Variants in COMMD8 observed in about 807,000 individuals in gnomAD.
COMMD8 encodes COMM domain-containing protein 8.
In COMMD8, 28 loss-of-function variants were observed where a neutral mutation model predicts 27.2. That is an observed-to-expected ratio of 1.03 (90% CI 0.76 to 1.41). The LOEUF (loss-of-function observed/expected upper bound fraction) is 1.41, where lower values mean the gene tolerates loss of function less well. Ranked by LOEUF, COMMD8 falls within the 40% of genes most tolerant of loss-of-function variation. COMMD8 has a pLI of 0.00. For missense variants in COMMD8, 217 were observed against 211.2 expected (o/e 1.03, Z -0.17); for synonymous variants, 79 against 75.5 (o/e 1.05, Z -0.24).
chr4:47,452,802 C>T (rs756270740), intron 4 of COMMD8, among the ~76,000 whole-genome samples: 7 of 152,170 alleles, frequency 4.6e-5, no homozygotes, highest in Non-Finnish European at 1.0e-4. Flanking sequence ...TTGAGACCAG[C>T]CTGGCCAACA....
Position 47,451,465 on chromosome 4 carries a change from A to G in COMMD8, c.*180T>C, listed in dbSNP as rs1050866663. Reference sequence around the variant, plus strand: ...CTTTCATTTTATGCATTTCCTCTCAACCATGTAATTTCCTGTTAAGGAATG... The same window carrying G: ...CTTTCATTTTATGCATTTCCTCTCAGCCATGTAATTTCCTGTTAAGGAATG... On this transcript the variant is annotated 3_prime_UTR_variant, in exon 5 of 5. Transcript: ENST00000381571. The G allele has an allele frequency of 3.6e-6, 2 of 552,630 alleles. No individual in the cohort carries two copies. The highest frequency in any genetic ancestry group is 6.3e-6 in the Non-Finnish European group (2 of 316,352). 34.2% of individuals were successfully genotyped at this position (552,630 alleles called of 1,614,324 possible).
At chr4:47,463,505 G>T in intron 1 of COMMD8, 81 bp downstream of exon 1, 1 of 1,370,034 alleles carries the variant, frequency 7.3e-7, no homozygotes, top group Middle Eastern at 2.5e-4. Context: ...GAAGGCGTCC[G>T]GGTCGCACCC....
intron 3 of COMMD8, among the ~76,000 whole-genome samples, chr4:47,456,138 T>C (rs1464972181): frequency 6.6e-6 from 1 of 151,852 alleles, no homozygotes; most frequent in Non-Finnish European, 1.5e-5. Flanking sequence ...TCCCAGCTAC[T>C]CAGGGGGCTG....
At chr4:47,460,422 T>C in intron 1 of COMMD8, 123 bp from the exon 2 acceptor site, 3 of 713,742 alleles carry the variant, frequency 4.2e-6, no homozygotes, top group East Asian at 3.0e-5. Flanking sequence ...TAAGTTAAAA[T>C]GTATAAACCA....
Position 47,460,205 on chromosome 4 carries a change from A to G in COMMD8, c.161T>C (p.Val54Ala), listed in dbSNP as rs1411274141. The change falls in exon 2 of 5, where the codon GTT becomes GCT. Residue 54 changes from valine to alanine, a missense_variant. Transcript: ENST00000381571. ...GAAAAATTTGGCAATATCTTCTAAA[A>G]CGTGCATCCATTCTTCTGATTCCCA... ...TVWESEEWMH[V>A]LEDIAKFFKA... is the part of the protein sequence containing the mutation. 3.7e-6 allele frequency: 6 copies of G among 1,613,562 alleles called. No individual in the cohort carries two copies. The African/African-American group carries it at 6.7e-5, about 18-fold the overall frequency.
At position 47,460,327 on chromosome 4, in the gene COMMD8, CT is replaced by C. The variant is rs556376297; in HGVS notation, c.67-29del. ...AGCAAGAAAAAAGGAAATAAATGTA[CT>C]TATAAGTAAAATGATGAAACAAATT... On this transcript the variant is annotated intron_variant, in intron 1 of 4. Coordinates refer to ENST00000381571, the MANE Select transcript of COMMD8 (RefSeq NM_017845.5). 1.1e-4 allele frequency: 182 copies of C among 1,586,274 alleles called. 4 individuals are homozygous for C. In the South Asian group the frequency reaches 2.0e-3, roughly 18 times the overall value.
At chr4:47,456,160 T>C (rs974411593) in intron 3 of COMMD8, among the ~76,000 whole-genome samples, 2 of 151,498 alleles carry the variant, frequency 1.3e-5, no homozygotes, top group African/African-American at 4.9e-5. Flanking sequence ...GGCAGAAGAA[T>C]TGCTTGAACC....
At chr4:47,455,034 A>G (rs1170497279) in intron 3 of COMMD8, among the ~76,000 whole-genome samples, 1 of 151,970 alleles carries the variant, frequency 6.6e-6, no homozygotes, top group Non-Finnish European at 1.5e-5. Flanking sequence ...TTTCTGAGAC[A>G]GAGTTGTGCT....
In COMMD8 at chr4:47,453,049, T is replaced by G. The variant is rs1268348234; in HGVS notation, c.531+10A>C. ...ACATTCAAATCATATGACAAAATTA[T>G]AGCAAATACCTTATTCGCTGCTTCC... On this transcript the variant is annotated intron_variant, in intron 4 of 4. Transcript: ENST00000381571. 6.3e-7 allele frequency: 1 copy of G among 1,581,632 alleles called. No homozygotes were observed. The highest frequency in any genetic ancestry group is 8.6e-7 in the Non-Finnish European group (1 of 1,165,402).
In COMMD8 at chr4:47,457,994, A is replaced by T. The variant is rs117423083; in HGVS notation, c.223-1265T>A. ...TATTTTGGCAGTGCAGCCTTAGTTT[A>T]ACATTCAAAAATCACATGAACAAAA... is the stretch of plus-strand genomic sequence containing the variant. On this transcript the variant is annotated intron_variant, in intron 2 of 4. Coordinates refer to ENST00000381571, the MANE Select transcript of COMMD8 (RefSeq NM_017845.5). Among the ~76,000 whole-genome samples, 66 of 152,222 alleles carry T rather than the reference A, an allele frequency of 4.3e-4. 2 individuals are homozygous for T. The East Asian group carries it at 0.012, about 28-fold the overall frequency.
At chr4:47,460,108 T>C in intron 2 of COMMD8, 36 bp downstream of exon 2, 1 of 1,575,368 alleles carries the variant, frequency 6.3e-7, no homozygotes, top group Non-Finnish European at 8.7e-7. Flanking sequence ...CTGAGCATTA[T>C]TTATTGTAAG....
chr4:47,461,585 T>C (rs1730026387), intron 1 of COMMD8, among the ~76,000 whole-genome samples: 1 of 152,238 alleles, frequency 6.6e-6, no homozygotes, highest in South Asian at 2.1e-4. Flanking sequence ...ATGTTTGTTA[T>C]TCATTCACAA....
At chr4:47,456,267 C>CATATATATATATATATAT (rs34279197) in intron 3 of COMMD8, among the ~76,000 whole-genome samples, 5 of 119,016 alleles carry the variant, frequency 4.2e-5, no homozygotes, top group East Asian at 2.9e-4. Flanking sequence ...ATAAATTATA[C>CATATATATATATATATAT]ATATATATAT....
intron 1 of COMMD8, 73 bp downstream of exon 1, chr4:47,463,513 C>G: frequency 6.9e-7 from 1 of 1,445,526 alleles, no homozygotes; most frequent in Non-Finnish European, 9.4e-7. Flanking sequence ...CCGGGTCGCA[C>G]CCGGCCTGAT....
rs766147461 is a variant in COMMD8 at position 47,453,232 on chromosome 4, AAT to A, written c.376-20_376-19del. The A allele has an allele frequency of 9.4e-6, 15 of 1,602,206 alleles. No homozygotes were observed. Among genetic ancestry groups the A allele is most frequent in the Non-Finnish European group, 1.3e-5 (15 of 1,172,556 alleles). On this transcript the variant is annotated intron_variant, in intron 3 of 4. Transcript: ENST00000381571. ...AGTGCAAGCTGTTTAAAATCAGAAAAATAGCAATTAATAAATAGTAAAAAGAA... is the reference window on the plus strand; with the variant it reads ...AGTGCAAGCTGTTTAAAATCAGAAAAAGCAATTAATAAATAGTAAAAAGAA...
At chr4:47,459,389 T>C (rs187415412) in intron 2 of COMMD8, among the ~76,000 whole-genome samples, 3 of 152,220 alleles carry the variant, frequency 2.0e-5, no homozygotes, top group Admixed American at 2.0e-4. Flanking sequence ...AAGGATATCC[T>C]ATGACCATGC....
intron 4 of COMMD8, among the ~76,000 whole-genome samples, chr4:47,452,233 C>T (rs1038423463): frequency 6.6e-6 from 1 of 152,110 alleles, no homozygotes; most frequent in Admixed American, 6.5e-5. Context: ...GTTATTTAGC[C>T]ACTCCATTGT....
intron 2 of COMMD8, among the ~76,000 whole-genome samples, chr4:47,457,954 C>T (rs116554529): frequency 2.2e-4 from 34 of 151,704 alleles, no homozygotes; most frequent in African/African-American, 8.0e-4. Flanking sequence ...TAATACATCA[C>T]GATCAAGTGG....
At position 47,463,605 on chromosome 4, in the gene COMMD8, G is replaced by C. The variant is rs1002034383; in HGVS notation, c.47C>G (p.Pro16Arg). The change falls in exon 1 of 5, where the codon CCG (proline) becomes CGG (arginine). Residue 16 changes from proline (P) to arginine (R), a missense_variant. Pro to Arg is a moderately radical substitution (Grantham distance 103). Transcript: ENST00000381571. ...CCTCACCTGCGGGCCCAGCTCGGCC[G>C]GCAGCTTCTGCAGCCGCCACAAGGG... Reference protein sequence around the residue: ...GTPLWRLQKLPAELGPQLLHK... With the variant: ...GTPLWRLQKLRAELGPQLLHK... The C allele has an allele frequency of 2.3e-5, 35 of 1,546,798 alleles. No homozygotes were observed. The highest frequency in any genetic ancestry group is 2.4e-5 in the Non-Finnish European group (28 of 1,146,190).
Sources: allele counts gnomAD v4.1 joint callset (sites outside exome capture counted in the v4.1 genomes callset), GRCh38; gene constraint gnomAD v4.1.1; transcripts MANE v1.5; gene names NCBI Gene and HGNC (gene_info 2026-07-23, HGNC 2026-07-21).